Variants in OTC observed in about 807,000 individuals in gnomAD.
The protein encoded by OTC is ornithine transcarbamylase, mitochondrial.
OTC carries 3 observed loss-of-function variants against 30.3 expected under a neutral mutation model. The ratio of observed to expected loss-of-function variants is 0.10; its 90% confidence interval spans 0.05 to 0.26. The LOEUF is 0.26. Ranked by LOEUF, OTC falls within the 10% of genes least tolerant of loss-of-function variation. The pLI, the probability that OTC is intolerant of heterozygous loss-of-function variation, is 1.00. For missense variants in OTC, 194 were observed against 260.3 expected (o/e 0.75, Z 1.75); for synonymous variants, 111 against 99.7 (o/e 1.11, Z -0.67).
At chrX:38,396,912 A>T (rs1391048288) in intron 4 of OTC, among the ~76,000 whole-genome samples, 2 of 112,019 alleles carry the variant, frequency 1.8e-5, no homozygotes, top group African/African-American at 6.5e-5. Flanking sequence ...TTTCTAGTTC[A>T]CTTATATATG....
intron 1 of OTC, 70 bp from the exon 2 acceptor site, chrX:38,367,221 C>A (rs1450219414): frequency 4.5e-6 from 4 of 885,701 alleles, no homozygotes; most frequent in Middle Eastern, 2.8e-4. Context: ...AACAGTAAAA[C>A]AATGAATCAC....
upstream of OTC, among the ~76,000 whole-genome samples, chrX:38,351,662 G>T (rs1162459564): frequency 8.9e-6 from 1 of 112,340 alleles, no homozygotes; most frequent in Non-Finnish European, 1.9e-5. Context: ...GATCTGAATA[G>T]GCTGCTAGGG....
intron 3 of OTC, 118 bp from the exon 4 acceptor site, chrX:38,381,224 A>G: frequency 2.0e-6 from 1 of 499,826 alleles, no homozygotes. Context: ...GTATCAGAGA[A>G]GTTGGAGAGC....
the OTC span, among the ~76,000 whole-genome samples, chrX:38,333,799 A>G: frequency 1.2e-4 from 13 of 112,737 alleles, no homozygotes; most frequent in Non-Finnish European, 2.2e-4. Flanking sequence ...TTGTTTCTCT[A>G]TATGGAATCA....
rs185233776 is a variant in OTC, at chrX:38,364,741, G to A, written c.78-2550G>A. Reference sequence around the variant, plus strand: ...CAGGAGGTGGAGGCTGCAATGAGCCGAGATCACGTCACTGTACTCCAGCCT... The same window carrying A: ...CAGGAGGTGGAGGCTGCAATGAGCCAAGATCACGTCACTGTACTCCAGCCT... On this transcript the variant is annotated intron_variant, in intron 1 of 9. Transcript: ENST00000039007. Among the ~76,000 whole-genome samples, 591 of 109,004 alleles carry A rather than the reference G, an allele frequency of 5.4e-3. 6 individuals carry two copies. The highest frequency in any genetic ancestry group is 0.019 in the Middle Eastern group (4 of 215). 94.7% of individuals were successfully genotyped at this position (109,004 alleles called of 115,157 possible).
the OTC span, among the ~76,000 whole-genome samples, chrX:38,328,093 A>C: frequency 1.8e-4 from 20 of 112,656 alleles, no homozygotes; most frequent in South Asian, 7.0e-3. Flanking sequence ...CTCACAGAAC[A>C]TACACAAAGG....
At chrX:38,336,867 C>T in the OTC span, among the ~76,000 whole-genome samples, 2 of 111,746 alleles carry the variant, frequency 1.8e-5, no homozygotes, top group Non-Finnish European at 3.8e-5. Flanking sequence ...CAAGGTAGTT[C>T]TCTCTCCTCT....
chrX:38,394,973 A>G (rs1178491037), intron 4 of OTC, among the ~76,000 whole-genome samples: 1 of 110,146 alleles, frequency 9.1e-6, no homozygotes, highest in African/African-American at 3.3e-5. Flanking sequence ...ATGGAAATGT[A>G]TTCTTTTTTT....
At chrX:38,338,695 C>A in the OTC span, among the ~76,000 whole-genome samples, 3 of 112,146 alleles carry the variant, frequency 2.7e-5, no homozygotes, top group African/African-American at 9.7e-5. Flanking sequence ...AAAAAACCAT[C>A]AGGGAATGCA....
At chrX:38,388,810 A>G (rs764952498) in intron 4 of OTC, among the ~76,000 whole-genome samples, 7 of 112,434 alleles carry the variant, frequency 6.2e-5, no homozygotes, top group African/African-American at 2.3e-4. Flanking sequence ...TATGGTAGTG[A>G]TTGCTAAAAT....
At chrX:38,336,985 C>G in the OTC span, among the ~76,000 whole-genome samples, 1 of 112,010 alleles carries the variant, frequency 8.9e-6, no homozygotes, top group East Asian at 2.8e-4. Context: ...TTCCAGTTCT[C>G]TATCTTTTCT....
At chrX:38,380,739 A>AT (rs758162539) in intron 3 of OTC, among the ~76,000 whole-genome samples, 6 of 111,352 alleles carry the variant, frequency 5.4e-5, no homozygotes, top group Non-Finnish European at 1.1e-4. Context: ...TTTATTTTTT[A>AT]TTTTTTTCAG....
At chrX:38,410,357 A>C (rs1023902388) in intron 8 of OTC, among the ~76,000 whole-genome samples, 1 of 111,873 alleles carries the variant, frequency 8.9e-6, no homozygotes, top group Non-Finnish European at 1.9e-5. Context: ...TAAATTGCTT[A>C]CCCAAAGAAG....
intron 9 of OTC, among the ~76,000 whole-genome samples, chrX:38,412,726 C>T (rs890896930): frequency 8.9e-6 from 1 of 112,068 alleles, no homozygotes; most frequent in African/African-American, 3.2e-5. Flanking sequence ...CAGCCAGGAT[C>T]TTACTTGCAA....
chrX:38,390,581 T>G (rs2068424506), intron 4 of OTC, among the ~76,000 whole-genome samples: 1 of 112,443 alleles, frequency 8.9e-6, no homozygotes, highest in African/African-American at 3.2e-5. Flanking sequence ...TTAGAGGGCA[T>G]GCAGTCTGAT....
intron 4 of OTC, among the ~76,000 whole-genome samples, chrX:38,382,432 C>T (rs751320994): frequency 1.8e-5 from 2 of 112,225 alleles, no homozygotes; most frequent in South Asian, 3.7e-4. Context: ...TTGCAGATAA[C>T]GTCTGCTTTT....
chrX:38,349,567 A>T (rs1400138590), upstream of OTC, among the ~76,000 whole-genome samples: 2 of 112,564 alleles, frequency 1.8e-5, no homozygotes, highest in Admixed American at 1.9e-4. Context: ...TCTGCCATGG[A>T]ATGGCAATGC....
rs35187086 is a variant in OTC at position 38,364,067 on chromosome X, A to G, written c.78-3224A>G. 5.9e-3 allele frequency among the ~76,000 whole-genome samples: 657 copies of G among 110,557 alleles called. 3 individuals carry two copies. The highest frequency in any genetic ancestry group is 0.021 in the African/African-American group (623 of 30,379). On this transcript the variant is annotated intron_variant, in intron 1 of 9. Coordinates refer to ENST00000039007, the MANE Select transcript of OTC (RefSeq NM_000531.6). ...CCTGAAACTGGGAGGCAGAGGTTGCAGTGAGCCGAGATCACACCACTGCAC... is the reference window on the plus strand; with the variant it reads ...CCTGAAACTGGGAGGCAGAGGTTGCGGTGAGCCGAGATCACACCACTGCAC...
At chrX:38,336,538 TA>T in the OTC span, among the ~76,000 whole-genome samples, 2 of 107,954 alleles carry the variant, frequency 1.9e-5, no homozygotes, top group East Asian at 5.8e-4. Flanking sequence ...AAAATAAAAA[TA>T]AAAAAAAGAG....
Sources: gnomAD v4.1 joint callset for allele counts (sites outside exome capture counted in the v4.1 genomes callset) on GRCh38, gnomAD v4.1.1 for gene constraint, MANE v1.5 for transcripts, NCBI Gene and HGNC (gene_info 2026-07-23, HGNC 2026-07-21) for gene names.